Variants in MAGI2 observed in about 807,000 individuals in gnomAD.
The protein encoded by MAGI2 is membrane associated guanylate kinase, WW and PDZ domain containing 2, also known as membrane-associated guanylate kinase, WW and PDZ domain-containing protein 2.
Under a neutral mutation model 133.3 loss-of-function variants are expected in MAGI2, and 35 were observed. That is an observed-to-expected ratio of 0.26 (90% CI 0.20 to 0.35). MAGI2 has a LOEUF of 0.35. Ranked by LOEUF, MAGI2 falls within the 10% of genes least tolerant of loss-of-function variation. MAGI2 has a pLI of 1.00. For missense variants in MAGI2, 1,636 were observed against 1,863.4 expected, an observed-to-expected ratio of 0.88 and a Z score of 2.25; for synonymous variants, 729 against 710.6, an observed-to-expected ratio of 1.03 and a Z score of -0.41.
intron 6 of MAGI2, among the ~76,000 whole-genome samples, chr7:78,438,584 G>T (rs1787290561): frequency 6.6e-6 from 1 of 152,068 alleles, no homozygotes; most frequent in South Asian, 2.1e-4. Flanking sequence ...TAGAAGCGGG[G>T]CCAAAGTCAT....
intron 2 of MAGI2, among the ~76,000 whole-genome samples, chr7:78,772,595 A>C (rs1194751731): frequency 6.6e-6 from 1 of 152,102 alleles, no homozygotes; most frequent in African/African-American, 2.4e-5. Context: ...TGAGGACTGC[A>C]GCCGAAATAC....
chr7:79,057,163 T>C (rs901051995), intron 1 of MAGI2, among the ~76,000 whole-genome samples: 1 of 152,178 alleles, frequency 6.6e-6, no homozygotes, highest in Non-Finnish European at 1.5e-5. Context: ...ATAAAGACTA[T>C]TTGGATTTTA....
intron 2 of MAGI2, among the ~76,000 whole-genome samples, chr7:78,967,819 A>G (rs1803458910): frequency 6.6e-6 from 1 of 151,712 alleles, no homozygotes; most frequent in Non-Finnish European, 1.5e-5. Flanking sequence ...TCCTTATGTC[A>G]TTGACATTTG....
rs201419285 is a variant in MAGI2 at position 78,703,981 on chromosome 7, C to G, written c.419-76742G>C. On this transcript the variant is annotated intron_variant, in intron 2 of 21. Coordinates refer to ENST00000354212, the MANE Select transcript of MAGI2 (RefSeq NM_012301.4). ...AAACTATCAAAACCCTGGAAGATAA[C>G]CTAGGAAATACCACTGTGGACATAG... 5.3e-5 allele frequency among the ~76,000 whole-genome samples: 8 copies of G among 152,128 alleles called. No homozygotes were observed. The East Asian group carries it at 1.6e-3, about 29-fold the overall frequency.
chr7:78,189,029 A>G (rs1228296022), intron 12 of MAGI2, among the ~76,000 whole-genome samples: 3 of 152,178 alleles, frequency 2.0e-5, no homozygotes, highest in Non-Finnish European at 4.4e-5. Context: ...ACAGTACCCC[A>G]TCCTTTCAAG....
At chr7:79,066,014 T>C (rs1814284634) in intron 1 of MAGI2, among the ~76,000 whole-genome samples, 8 of 152,206 alleles carry the variant, frequency 5.3e-5, no homozygotes, top group Admixed American at 5.2e-4. Flanking sequence ...AGTCCCGCAG[T>C]AAACATACAC....
chr7:79,076,284 ACTGGGG>A (rs1414906517), intron 1 of MAGI2, among the ~76,000 whole-genome samples: 2 of 152,208 alleles, frequency 1.3e-5, no homozygotes, highest in African/African-American at 2.4e-5. Flanking sequence ...GAGCAGATGG[ACTGGGG>A]TTCTCAAGGT....
intron 9 of MAGI2, among the ~76,000 whole-genome samples, chr7:78,269,610 G>A (rs915516162): frequency 5.9e-5 from 9 of 152,102 alleles, no homozygotes; most frequent in Admixed American, 1.3e-4. Context: ...CATATCCTTC[G>A]CCCACTTTTT....
chr7:78,546,858 C>G (rs1798892326), intron 3 of MAGI2, among the ~76,000 whole-genome samples: 1 of 152,174 alleles, frequency 6.6e-6, no homozygotes, highest in Non-Finnish European at 1.5e-5. Context: ...CAGAGTTGTT[C>G]TGAAGCTGTT....
At chr7:78,651,220 T>C (rs1811522579) in intron 2 of MAGI2, among the ~76,000 whole-genome samples, 1 of 152,156 alleles carries the variant, frequency 6.6e-6, no homozygotes, top group African/African-American at 2.4e-5. Flanking sequence ...CCCTCCAGCC[T>C]CTTGGTGAAC....
intron 1 of MAGI2, among the ~76,000 whole-genome samples, chr7:79,379,981 T>C (rs1843669649): frequency 6.6e-6 from 1 of 151,556 alleles, no homozygotes; most frequent in South Asian, 2.1e-4. Flanking sequence ...CCTTACATCT[T>C]ACACAAAAAT....
chr7:78,849,465 T>C (rs1289690010), intron 2 of MAGI2, among the ~76,000 whole-genome samples: 1 of 152,028 alleles, frequency 6.6e-6, no homozygotes, highest in Non-Finnish European at 1.5e-5. Flanking sequence ...GCAGAGTGAA[T>C]GCCATGCAGA....
At chr7:78,920,848 T>G (rs1256668914) in intron 2 of MAGI2, among the ~76,000 whole-genome samples, 1 of 152,144 alleles carries the variant, frequency 6.6e-6, no homozygotes, top group East Asian at 1.9e-4. Context: ...AACATTAAAG[T>G]ACACAATTAA....
chr7:78,825,658 C>G (rs1790563909), intron 2 of MAGI2, among the ~76,000 whole-genome samples: 1 of 152,146 alleles, frequency 6.6e-6, no homozygotes, highest in Non-Finnish European at 1.5e-5. Flanking sequence ...CACTCTTTAG[C>G]TAAGATTCAA....
chr7:79,221,810 A>G (rs10953797), intron 1 of MAGI2, among the ~76,000 whole-genome samples: 92,243 of 151,788 alleles, frequency 0.61, 29,438 homozygotes, highest in Non-Finnish European at 0.7. Context: ...TTGTAGGCAT[A>G]AAATGGCAAA....
At chr7:78,653,635 G>A (rs1447948582) in intron 2 of MAGI2, among the ~76,000 whole-genome samples, 1 of 151,992 alleles carries the variant, frequency 6.6e-6, no homozygotes, top group Admixed American at 6.6e-5. Context: ...GGCCTGTCAG[G>A]GGTTTGGGGG....
At position 78,262,516 on chromosome 7, in the gene MAGI2, A is replaced by G. The variant is rs73700713; in HGVS notation, c.1409-5935T>C. ...TCCTTTAGTGCCCACTCATAGAGAC[A>G]GAGCTCAGTCCAAACTTTCTAGCAT... On this transcript the variant is annotated intron_variant, in intron 9 of 21. Transcript: ENST00000354212. Among the ~76,000 whole-genome samples the G allele has an allele frequency of 7.5e-3, 1,142 of 152,266 alleles. 16 individuals carry two copies. The highest frequency in any genetic ancestry group is 0.026 in the African/African-American group (1,096 of 41,574).
intron 1 of MAGI2, among the ~76,000 whole-genome samples, chr7:79,444,611 G>A (rs889466115): frequency 4.6e-5 from 7 of 151,908 alleles, no homozygotes; most frequent in African/African-American, 1.7e-4. Context: ...TACAAGGGAC[G>A]TGAAGGACCT....
At chr7:79,246,611 T>C (rs911495559) in intron 1 of MAGI2, among the ~76,000 whole-genome samples, 5 of 149,100 alleles carry the variant, frequency 3.4e-5, no homozygotes, top group Admixed American at 2.0e-4. Context: ...TCAGAGGAGA[T>C]AAAGGAAAAA....
Sources: gnomAD v4.1 joint callset for allele counts (sites outside exome capture counted in the v4.1 genomes callset) on GRCh38, gnomAD v4.1.1 for gene constraint, MANE v1.5 for transcripts, NCBI Gene and HGNC (gene_info 2026-07-23, HGNC 2026-07-21) for gene names.